ENOX1: variants seen among roughly 807,000 people sequenced by gnomAD.
ENOX1 encodes ecto-NOX disulfide-thiol exchanger 1.
In ENOX1, 42 loss-of-function variants were observed where a neutral mutation model predicts 82.5. The observed-to-expected ratio is 0.51, with a 90% CI of 0.40 to 0.66. The LOEUF is 0.66. ENOX1 is among the 30% of genes least tolerant of loss of function. The pLI is 0.00. For synonymous variants in ENOX1, 271 were observed against 282.2 expected, an observed-to-expected ratio of 0.96 and a Z score of 0.40; for missense variants, 608 against 811.6, an observed-to-expected ratio of 0.75 and a Z score of 3.05.
At chr13:43,402,162 G>A (rs1255615465) in intron 5 of ENOX1, among the ~76,000 whole-genome samples, 1 of 152,070 alleles carries the variant, frequency 6.6e-6, no homozygotes, top group Non-Finnish European at 1.5e-5. Flanking sequence ...GTGCAAGAAG[G>A]TAGATGAAAG....
intron 1 of ENOX1, among the ~76,000 whole-genome samples, chr13:43,692,784 C>T (rs1329292): frequency 0.19 from 29,198 of 151,902 alleles, 2,931 homozygotes; most frequent in South Asian, 0.28. Flanking sequence ...TTATTGAAGA[C>T]GTGGGAAAAT....
intron 2 of ENOX1, among the ~76,000 whole-genome samples, chr13:43,498,168 T>G (rs2076858235): frequency 1.3e-5 from 2 of 152,126 alleles, no homozygotes; most frequent in Admixed American, 6.6e-5. Flanking sequence ...GCCATGTGTT[T>G]TCAGTCATCT....
chr13:43,260,443 C>G (rs930577498), intron 14 of ENOX1, among the ~76,000 whole-genome samples: 1 of 152,158 alleles, frequency 6.6e-6, no homozygotes, highest in Non-Finnish European at 1.5e-5. Context: ...AGCAACTTTA[C>G]TATAACAGAA....
At chr13:43,764,867 C>T (rs1951180209) in intron 1 of ENOX1, among the ~76,000 whole-genome samples, 1 of 152,200 alleles carries the variant, frequency 6.6e-6, no homozygotes, top group Non-Finnish European at 1.5e-5. Flanking sequence ...AAAATAATTA[C>T]TAAAGCTTTT....
intron 2 of ENOX1, among the ~76,000 whole-genome samples, chr13:43,527,045 G>T (rs2153685940): frequency 6.6e-6 from 1 of 152,058 alleles, no homozygotes; most frequent in Non-Finnish European, 1.5e-5. Flanking sequence ...CCAGAGCCTT[G>T]TTCTTGAAAT....
At chr13:43,630,770 A>G (rs2083170309) in intron 2 of ENOX1, among the ~76,000 whole-genome samples, 1 of 151,940 alleles carries the variant, frequency 6.6e-6, no homozygotes, top group South Asian at 2.1e-4. Flanking sequence ...GCTATAAATT[A>G]CTGTAAAATG....
chr13:43,307,065 G>A (rs188506818), intron 11 of ENOX1, among the ~76,000 whole-genome samples: 129 of 152,236 alleles, frequency 8.5e-4, no homozygotes, highest in Non-Finnish European at 1.7e-3. Flanking sequence ...AGTTACTTCC[G>A]CCTTAGGTAA....
At position 43,673,818 on chromosome 13, in the gene ENOX1, T is replaced by C. The variant is rs140488355; in HGVS notation, c.-284-6274A>G. ...GACTTGTCTCCTAATTTGCTTTTTA[T>C]GTTATACACAGCTTTGAGTACAATG... On this transcript the variant is annotated intron_variant, in intron 1 of 16. Transcript: ENST00000690772. 4.6e-3 allele frequency among the ~76,000 whole-genome samples: 696 copies of C among 152,366 alleles called. 2 individuals are homozygous for C. Among genetic ancestry groups the C allele is most frequent in the African/African-American group, 0.016 (659 of 41,590 alleles).
intron 1 of ENOX1, among the ~76,000 whole-genome samples, chr13:43,705,970 T>G (rs1376061528): frequency 6.6e-6 from 1 of 152,108 alleles, no homozygotes; most frequent in South Asian, 2.1e-4. Flanking sequence ...ATATGTTTCC[T>G]GTCTACAAAG....
chr13:43,422,095 C>T (rs2055012113), intron 3 of ENOX1, among the ~76,000 whole-genome samples: 1 of 151,506 alleles, frequency 6.6e-6, no homozygotes, highest in Non-Finnish European at 1.5e-5. Context: ...TACTAGAATA[C>T]AGATGAATTC....
chr13:43,524,618 C>T (rs1394962762), intron 2 of ENOX1, among the ~76,000 whole-genome samples: 1 of 152,098 alleles, frequency 6.6e-6, no homozygotes, highest in Non-Finnish European at 1.5e-5. Context: ...CTCCAATACA[C>T]CAAGCACATT....
At chr13:43,378,561 T>G (rs1195833566) in intron 5 of ENOX1, among the ~76,000 whole-genome samples, 1 of 152,222 alleles carries the variant, frequency 6.6e-6, no homozygotes. Context: ...ATTCATGATG[T>G]TATTGGGTAG....
At chr13:43,541,184 T>TTTTTTTTTTTTTTTG (rs2078705146) in intron 2 of ENOX1, among the ~76,000 whole-genome samples, 1 of 136,222 alleles carries the variant, frequency 7.3e-6, no homozygotes, top group Non-Finnish European at 1.6e-5. Flanking sequence ...TTTTTTTTTT[T>TTTTTTTTTTTTTTTG]TTTTTTTTTT....
chr13:43,231,893 C>T (rs1378744895), intron 15 of ENOX1, among the ~76,000 whole-genome samples: 1 of 152,136 alleles, frequency 6.6e-6, no homozygotes, highest in Non-Finnish European at 1.5e-5. Context: ...TTAGCATCCT[C>T]TCAGATATTA....
At chr13:43,380,977 C>A (rs2052002536) in intron 5 of ENOX1, among the ~76,000 whole-genome samples, 1 of 151,548 alleles carries the variant, frequency 6.6e-6, no homozygotes, top group African/African-American at 2.4e-5. Context: ...TTTCAACAAC[C>A]CTCTCTTAAT....
chr13:43,779,957 C>A (rs538213732), intron 1 of ENOX1, among the ~76,000 whole-genome samples: 11 of 152,208 alleles, frequency 7.2e-5, no homozygotes, highest in Non-Finnish European at 1.6e-4. Flanking sequence ...GAGATCGAGA[C>A]CATCCTGGCC....
chr13:43,542,004 G>T (rs1056117349), intron 2 of ENOX1, among the ~76,000 whole-genome samples: 1 of 152,192 alleles, frequency 6.6e-6, no homozygotes, highest in African/African-American at 2.4e-5. Context: ...TTCACTCACT[G>T]TCGGGGGTTC....
At chr13:43,777,463 CCTG>C (rs1390796251) in intron 1 of ENOX1, among the ~76,000 whole-genome samples, 6 of 152,206 alleles carry the variant, frequency 3.9e-5, no homozygotes, top group Admixed American at 3.9e-4. Context: ...ATATCAATAT[CCTG>C]CTAATAAAAC....
chr13:43,713,325 T>C (rs2087869462), intron 1 of ENOX1, among the ~76,000 whole-genome samples: 2 of 152,248 alleles, frequency 1.3e-5, no homozygotes, highest in African/African-American at 4.8e-5. Context: ...CAGTATTTTA[T>C]TGAGGATTTT....
Sources: gnomAD v4.1 joint callset for allele counts (sites outside exome capture counted in the v4.1 genomes callset) on GRCh38, gnomAD v4.1.1 for gene constraint, MANE v1.5 for transcripts, NCBI Gene and HGNC (gene_info 2026-07-23, HGNC 2026-07-21) for gene names.